Variants in ZNF804B observed in about 807,000 individuals in gnomAD.
ZNF804B encodes zinc finger protein 804B, also known as zinc finger 804B.
A neutral mutation model predicts 101.4 loss-of-function variants in ZNF804B; 80 were observed. The ratio of observed to expected loss-of-function variants is 0.79; its 90% CI spans 0.66 to 0.95. ZNF804B has a LOEUF of 0.95. ZNF804B is among the 40% of genes least tolerant of loss of function. The pLI is 0.00. For synonymous variants in ZNF804B, 622 were observed against 558.8 expected, an observed-to-expected ratio of 1.11 and a Z score of -1.59; for missense variants, 1,673 against 1,561.9, an observed-to-expected ratio of 1.07 and a Z score of -1.20.
intron 1 of ZNF804B, among the ~76,000 whole-genome samples, chr7:89,110,912 C>A (rs1328918850): frequency 6.6e-6 from 1 of 152,084 alleles, no homozygotes; most frequent in African/African-American, 2.4e-5. Context: ...AAATCTCAGG[C>A]AACCACTGAT....
chr7:88,768,891 A>C (rs1011675551), intron 1 of ZNF804B, among the ~76,000 whole-genome samples: 1 of 152,208 alleles, frequency 6.6e-6, no homozygotes, highest in Non-Finnish European at 1.5e-5. Context: ...CTATTTTCGA[A>C]TTCTAGTTTT....
chr7:88,970,182 A>G (rs913553730), intron 1 of ZNF804B, among the ~76,000 whole-genome samples: 4 of 151,600 alleles, frequency 2.6e-5, no homozygotes, highest in African/African-American at 9.7e-5. Flanking sequence ...ACATTATTGT[A>G]TAATAATTGT....
At chr7:88,939,884 C>A (rs1793031261) in intron 1 of ZNF804B, among the ~76,000 whole-genome samples, 1 of 151,732 alleles carries the variant, frequency 6.6e-6, no homozygotes, top group Non-Finnish European at 1.5e-5. Flanking sequence ...ATTATAATCC[C>A]AAAATACATG....
intron 1 of ZNF804B, among the ~76,000 whole-genome samples, chr7:88,872,562 G>T (rs563310561): frequency 6.6e-6 from 1 of 151,942 alleles, no homozygotes; most frequent in Non-Finnish European, 1.5e-5. Flanking sequence ...CTGGTGCACT[G>T]CACCCATTAA....
At chr7:88,762,038 T>TA (rs1395228857) in intron 1 of ZNF804B, among the ~76,000 whole-genome samples, 1 of 152,164 alleles carries the variant, frequency 6.6e-6, no homozygotes, top group East Asian at 1.9e-4. Context: ...GCACTATTTT[T>TA]ATTCACTGCT....
intron 1 of ZNF804B, among the ~76,000 whole-genome samples, chr7:88,791,982 A>G (rs577506910): frequency 3.3e-5 from 5 of 151,886 alleles, no homozygotes; most frequent in Non-Finnish European, 7.4e-5. Context: ...AGTCTCACTC[A>G]CTCACATGTC....
intron 1 of ZNF804B, among the ~76,000 whole-genome samples, chr7:89,134,333 A>G (rs1247892556): frequency 6.6e-6 from 1 of 152,040 alleles, no homozygotes; most frequent in Admixed American, 6.6e-5. Flanking sequence ...TTCCAGATAA[A>G]TGTGTAAAAC....
intron 1 of ZNF804B, among the ~76,000 whole-genome samples, chr7:88,905,348 G>C (rs1019187774): frequency 1.9e-4 from 29 of 151,658 alleles, no homozygotes; most frequent in South Asian, 6.2e-4. Flanking sequence ...AATACAGTAT[G>C]CTAGTTTTTT....
intron 1 of ZNF804B, among the ~76,000 whole-genome samples, chr7:88,810,463 G>A (rs570787041): frequency 6.6e-6 from 1 of 151,458 alleles, no homozygotes; most frequent in African/African-American, 2.4e-5. Context: ...GACCAGCCTG[G>A]GCAATATGGC....
chr7:89,031,026 G>T (rs1788824101), intron 1 of ZNF804B, among the ~76,000 whole-genome samples: 1 of 151,764 alleles, frequency 6.6e-6, no homozygotes, highest in Non-Finnish European at 1.5e-5. Context: ...TTTGGGGGCT[G>T]GGGGGTTGGG....
At chr7:89,052,402 A>G (rs572337851) in intron 1 of ZNF804B, among the ~76,000 whole-genome samples, 22 of 152,298 alleles carry the variant, frequency 1.4e-4, no homozygotes, top group Non-Finnish European at 1.9e-4. Context: ...AGCTATGCTC[A>G]GTGATTGCTG....
intron 1 of ZNF804B, among the ~76,000 whole-genome samples, chr7:88,866,325 A>G (rs1423472281): frequency 6.6e-6 from 1 of 152,170 alleles, no homozygotes; most frequent in Non-Finnish European, 1.5e-5. Flanking sequence ...TTCCATCAAG[A>G]GGTTGTGTTT....
At chr7:88,984,769 T>G (rs1391030496) in intron 1 of ZNF804B, among the ~76,000 whole-genome samples, 3 of 152,080 alleles carry the variant, frequency 2.0e-5, no homozygotes, top group Admixed American at 2.0e-4. Flanking sequence ...AGATTGTTTC[T>G]TTTTAAACTT....
intron 1 of ZNF804B, among the ~76,000 whole-genome samples, chr7:88,996,934 C>G (rs1433358168): frequency 2.0e-5 from 3 of 151,972 alleles, no homozygotes. Flanking sequence ...TCAGACTCAA[C>G]AGATGGACAC....
intron 1 of ZNF804B, among the ~76,000 whole-genome samples, chr7:88,948,078 A>G (rs1203374299): frequency 6.6e-6 from 1 of 151,914 alleles, no homozygotes; most frequent in African/African-American, 2.4e-5. Flanking sequence ...ACTACCTGCT[A>G]CTTAATGGTA....
At chr7:89,171,122 G>A (rs964927071) in intron 1 of ZNF804B, among the ~76,000 whole-genome samples, 10 of 152,092 alleles carry the variant, frequency 6.6e-5, no homozygotes, top group Non-Finnish European at 1.2e-4. Context: ...TGTGGTTTCC[G>A]GTCAATTTAT....
At chr7:89,276,565 A>G (rs987512202) in intron 2 of ZNF804B, among the ~76,000 whole-genome samples, 1 of 151,934 alleles carries the variant, frequency 6.6e-6, no homozygotes, top group Non-Finnish European at 1.5e-5. Flanking sequence ...AATTGAAAAT[A>G]TATTTTAAAA....
chr7:88,892,087 A>G (rs746465387), intron 1 of ZNF804B, among the ~76,000 whole-genome samples: 23 of 152,066 alleles, frequency 1.5e-4, no homozygotes, highest in Non-Finnish European at 2.8e-4. Flanking sequence ...ACCTCCAGCC[A>G]CCCTACTGTT....
In ZNF804B at chr7:89,221,691, T is replaced by TTTCTATTCTATTCTATTCTATTCTA. The variant is rs61397319; in HGVS notation, c.249+3433_249+3457dup. 1.0e-3 allele frequency among the ~76,000 whole-genome samples: 145 copies of TTTCTATTCTATTCTATTCTATTCTA among 142,586 alleles called. 1 individual carries two copies. The highest frequency in any genetic ancestry group is 1.3e-3 in the African/African-American group (50 of 38,358). 93.5% of individuals were successfully genotyped at this position (142,586 alleles called of 152,430 possible). A position where few individuals can be genotyped will look rare whatever the true frequency, so the allele number is the denominator to read the frequency against. On this transcript the variant is annotated intron_variant, in intron 2 of 3. Coordinates refer to ENST00000333190, the MANE Select transcript of ZNF804B (RefSeq NM_181646.5). ...TGTTGATAAACAACCTTCCTCAATA[T>TTTCTATTCTATTCTATTCTATTCTA]TTCTATTCTATTCTATTCTATTCTA...
Sources: gnomAD v4.1 joint callset for allele counts (sites outside exome capture counted in the v4.1 genomes callset) on GRCh38, gnomAD v4.1.1 for gene constraint, MANE v1.5 for transcripts, NCBI Gene and HGNC (gene_info 2026-07-23, HGNC 2026-07-21) for gene names.